Variants in PCDH7 observed in about 807,000 individuals in gnomAD.
PCDH7 encodes protocadherin 7, also known as protocadherin-7.
Under a neutral mutation model 58.9 loss-of-function variants are expected in PCDH7, and 17 were observed. That is an observed-to-expected ratio of 0.29 (90% CI 0.20 to 0.43). The LOEUF (loss-of-function observed/expected upper bound fraction) is 0.43, where lower values mean the gene tolerates loss of function less well. Ranked by LOEUF, PCDH7 falls within the 20% of genes least tolerant of loss-of-function variation. The pLI, the probability that PCDH7 is intolerant of heterozygous loss-of-function variation, is 1.00. For missense variants in PCDH7, 1,274 were observed against 1,441.0 expected, an observed-to-expected ratio of 0.88 and a Z score of 1.88; for synonymous variants, 664 against 616.4, an observed-to-expected ratio of 1.08 and a Z score of -1.14.
chr4:31,123,747 C>G (rs187674110), intron 3 of PCDH7, among the ~76,000 whole-genome samples: 1 of 152,070 alleles, frequency 6.6e-6, no homozygotes, highest in Non-Finnish European at 1.5e-5. Context: ...CCAGGTCCCA[C>G]GAACAGATTG....
chr4:30,751,157 A>C (rs1718469361), intron 1 of PCDH7, among the ~76,000 whole-genome samples: 1 of 152,224 alleles, frequency 6.6e-6, no homozygotes, highest in East Asian at 1.9e-4. Context: ...GTGCAAACTC[A>C]TTTAATTAAA....
chr4:30,955,282 C>T (rs370293490), intron 3 of PCDH7, among the ~76,000 whole-genome samples: 6 of 151,434 alleles, frequency 4.0e-5, no homozygotes, highest in East Asian at 3.9e-4. Flanking sequence ...TCAACTCATT[C>T]TTTGTGCTTC....
At chr4:30,772,133 G>A (rs1401212290) in intron 1 of PCDH7, among the ~76,000 whole-genome samples, 3 of 152,176 alleles carry the variant, frequency 2.0e-5, no homozygotes, top group Non-Finnish European at 4.4e-5. Context: ...GACTCCAAAA[G>A]TGCTGGGATT....
intron 3 of PCDH7, among the ~76,000 whole-genome samples, chr4:31,066,124 C>G (rs1156814615): frequency 6.6e-6 from 1 of 151,892 alleles, no homozygotes; most frequent in African/African-American, 2.4e-5. Context: ...CACTGGACAT[C>G]TAGTTCAACT....
At chr4:30,886,118 A>C (rs1440589351) in intron 1 of PCDH7, among the ~76,000 whole-genome samples, 1 of 151,354 alleles carries the variant, frequency 6.6e-6, no homozygotes, top group African/African-American at 2.5e-5. Flanking sequence ...CAAAATTGAC[A>C]AATGGGATCT....
intron 1 of PCDH7, among the ~76,000 whole-genome samples, chr4:30,918,370 A>G (rs1444022768): frequency 6.6e-6 from 1 of 152,104 alleles, no homozygotes; most frequent in African/African-American, 2.4e-5. Context: ...AAAAGAAAAT[A>G]TGCACACACA....
intron 1 of PCDH7, among the ~76,000 whole-genome samples, chr4:30,744,186 G>A (rs1717460565): frequency 6.6e-6 from 1 of 152,052 alleles, no homozygotes; most frequent in Admixed American, 6.6e-5. Flanking sequence ...CAGCCAAGTG[G>A]TAGGATTTTA....
chr4:31,020,476 G>A (rs1257266704), intron 3 of PCDH7, among the ~76,000 whole-genome samples: 3 of 152,182 alleles, frequency 2.0e-5, no homozygotes, highest in Non-Finnish European at 4.4e-5. Context: ...AGCTTCTAAA[G>A]TGTAGGCGAA....
intron 1 of PCDH7, among the ~76,000 whole-genome samples, chr4:30,851,654 T>C (rs1732763780): frequency 6.6e-6 from 1 of 152,044 alleles, no homozygotes; most frequent in African/African-American, 2.4e-5. Context: ...CTTTTGGAAA[T>C]GGCATTAATA....
chr4:30,903,142 A>G (rs1344042369), intron 1 of PCDH7, among the ~76,000 whole-genome samples: 1 of 152,174 alleles, frequency 6.6e-6, no homozygotes, highest in Non-Finnish European at 1.5e-5. Flanking sequence ...CTAAAGAATC[A>G]TGAAAATATC....
intron 3 of PCDH7, among the ~76,000 whole-genome samples, chr4:31,051,954 T>C (rs1221123521): frequency 1.3e-5 from 2 of 152,138 alleles, no homozygotes; most frequent in African/African-American, 4.8e-5. Flanking sequence ...CATTTGCTTA[T>C]CAGTGGTATT....
chr4:30,938,542 C>T (rs1217569838), intron 2 of PCDH7, among the ~76,000 whole-genome samples: 1 of 151,676 alleles, frequency 6.6e-6, no homozygotes, highest in African/African-American at 2.4e-5. Context: ...ATAGGCTAGG[C>T]CAAGCAGGTT....
At chr4:30,902,266 A>C (rs577503062) in intron 1 of PCDH7, among the ~76,000 whole-genome samples, 1 of 152,144 alleles carries the variant, frequency 6.6e-6, no homozygotes, top group African/African-American at 2.4e-5. Context: ...GCAGTATGTA[A>C]GTCTGTGGCC....
At chr4:31,029,789 C>T (rs551234873) in intron 3 of PCDH7, among the ~76,000 whole-genome samples, 1 of 152,176 alleles carries the variant, frequency 6.6e-6, no homozygotes, top group African/African-American at 2.4e-5. Flanking sequence ...TGGTATGAAG[C>T]CCTTAGCTCT....
At position 31,142,415 on chromosome 4, in the gene PCDH7, T is replaced by A. The variant is rs1321979838; in HGVS notation, c.*8-58T>A. Reference sequence around the variant, plus strand: ...TATATTTCCTCTAATTTCATATAGATCAGGGGAGCCTGTTGAGGAGTGTCA... The same window carrying A: ...TATATTTCCTCTAATTTCATATAGAACAGGGGAGCCTGTTGAGGAGTGTCA... On this transcript the variant is annotated intron_variant, in intron 3 of 3. Transcript: ENST00000509759. The A allele has an allele frequency of 3.9e-6, 5 of 1,286,904 alleles. No individual in the cohort carries two copies. The African/African-American group carries it at 6.1e-5, about 16-fold the overall frequency. 79.7% of individuals were successfully genotyped at this position (1,286,904 alleles called of 1,614,324 possible).
intron 1 of PCDH7, among the ~76,000 whole-genome samples, chr4:30,885,651 C>A (rs1413764833): frequency 1.3e-5 from 2 of 152,026 alleles, no homozygotes; most frequent in Non-Finnish European, 2.9e-5. Flanking sequence ...CAAAAAAGAG[C>A]CTGCATCGCC....
chr4:30,777,801 G>A (rs1388838554), intron 1 of PCDH7, among the ~76,000 whole-genome samples: 1 of 152,000 alleles, frequency 6.6e-6, no homozygotes, highest in African/African-American at 2.4e-5. Flanking sequence ...AGAGGTATCT[G>A]GTAGTATAAC....
chr4:31,046,510 T>G (rs562091813), intron 3 of PCDH7, among the ~76,000 whole-genome samples: 9 of 152,212 alleles, frequency 5.9e-5, no homozygotes, highest in African/African-American at 1.7e-4. Context: ...TTACAGTTTG[T>G]GAAATTTAGT....
chr4:30,799,600 A>AT (rs1396643885), intron 1 of PCDH7, among the ~76,000 whole-genome samples: 10 of 152,198 alleles, frequency 6.6e-5, no homozygotes, highest in Middle Eastern at 3.4e-3. Flanking sequence ...ATTTATCTGA[A>AT]TTTTTTGTTA....
Sources: allele counts gnomAD v4.1 joint callset (sites outside exome capture counted in the v4.1 genomes callset), GRCh38; gene constraint gnomAD v4.1.1; transcripts MANE v1.5; gene names NCBI Gene and HGNC (gene_info 2026-07-23, HGNC 2026-07-21).